Variants in HTR3B observed in about 807,000 individuals in gnomAD.
HTR3B encodes 5-hydroxytryptamine receptor 3B.
HTR3B carries 44 observed loss-of-function variants against 42.8 expected under a neutral mutation model. The ratio of observed to expected loss-of-function variants is 1.03; its 90% CI spans 0.81 to 1.32. HTR3B has a LOEUF of 1.32. HTR3B is among the 40% of genes most tolerant of loss of function. The pLI is 0.00. For synonymous variants in HTR3B, 203 were observed against 209.0 expected, an observed-to-expected ratio of 0.97 and a Z score of 0.25; for missense variants, 527 against 536.5, an observed-to-expected ratio of 0.98 and a Z score of 0.17.
chr11:113,932,954 C>G lies in HTR3B; in HGVS notation c.557C>G (p.Ala186Gly), dbSNP rs202109882. The change falls in exon 6 of 9, where the codon GCC (alanine) becomes GGC (glycine). Residue 186 changes from alanine to glycine, a missense_variant. Transcript: ENST00000260191. The stretch of plus-strand genomic sequence containing the variant: ...TTTGCAGTGGAAGACGTAGACCTGG[C>G]CTTTCTGAGGAGCCCAGAAGACATT... ...ILHTVEDVDL[A>G]FLRSPEDIQH... 1 of 1,613,984 alleles carries G rather than the reference C, an allele frequency of 6.2e-7. No individual in the cohort carries two copies. The highest frequency in any genetic ancestry group is 1.3e-5 in the African/African-American group (1 of 75,018).
intron 2 of HTR3B, among the ~76,000 whole-genome samples, chr11:113,911,140 A>G (rs1045670968): frequency 4.6e-5 from 7 of 151,772 alleles, no homozygotes; most frequent in African/African-American, 1.7e-4. Flanking sequence ...ATTGTTTTCT[A>G]ATTGAGGTAA....
chr11:113,915,089 T>C (rs1949838338), intron 2 of HTR3B, among the ~76,000 whole-genome samples: 1 of 152,224 alleles, frequency 6.6e-6, no homozygotes, highest in Non-Finnish European at 1.5e-5. Flanking sequence ...TTGTGTCTCA[T>C]ATTGGTAATT....
At chr11:113,938,102 C>T (rs989026676) in intron 6 of HTR3B, among the ~76,000 whole-genome samples, 1 of 152,100 alleles carries the variant, frequency 6.6e-6, no homozygotes, top group Non-Finnish European at 1.5e-5. Context: ...GAACTCCAGT[C>T]ACATTGGATT....
At position 113,946,262 on chromosome 11, in the gene HTR3B, AGG is replaced by A; in HGVS notation, c.*126_*127del. ...TTGCCTATAGTCCCAGTGCTTTGGG[AGG>A]CCATAGCAGGAGGATTGCTTGAGCC... is the stretch of plus-strand genomic sequence containing the variant. On this transcript the variant is annotated 3_prime_UTR_variant, in exon 9 of 9. Transcript: ENST00000260191. 1.4e-6 allele frequency: 1 copy of A among 702,798 alleles called. No individual in the cohort carries two copies. Among genetic ancestry groups the A allele is most frequent in the Non-Finnish European group, 2.4e-6 (1 of 408,458 alleles). The allele number at this position is 702,798 out of a possible 1,614,324, so 43.5% of individuals were successfully genotyped here.
chr11:113,936,946 A>G (rs975639639), intron 6 of HTR3B, among the ~76,000 whole-genome samples: 3 of 152,212 alleles, frequency 2.0e-5, no homozygotes, highest in Non-Finnish European at 2.9e-5. Context: ...GATCTCTTTC[A>G]TTAACATCAA....
At chr11:113,942,291 C>T (rs537170598) in intron 6 of HTR3B, among the ~76,000 whole-genome samples, 4 of 152,028 alleles carry the variant, frequency 2.6e-5, no homozygotes, top group East Asian at 1.9e-4. Context: ...AAAGAAACCC[C>T]GTCTCTACTA....
intron 2 of HTR3B, among the ~76,000 whole-genome samples, chr11:113,927,846 A>G (rs1484902265): frequency 2.0e-5 from 3 of 152,104 alleles, no homozygotes; most frequent in Non-Finnish European, 4.4e-5. Context: ...GGTGTGAGCC[A>G]CCGCACCCGG....
At chr11:113,916,824 A>G (rs970859025) in intron 2 of HTR3B, among the ~76,000 whole-genome samples, 8 of 152,170 alleles carry the variant, frequency 5.3e-5, no homozygotes, top group Non-Finnish European at 7.3e-5. Context: ...ATTTGAATCT[A>G]GTTGTCTGTT....
chr11:113,922,309 A>G (rs1203843890), intron 2 of HTR3B, among the ~76,000 whole-genome samples: 2 of 151,442 alleles, frequency 1.3e-5, no homozygotes, highest in Non-Finnish European at 2.9e-5. Context: ...GCGTGACCTC[A>G]GTTCACTGCA....
At chr11:113,931,073 A>C (rs1268978904) in intron 2 of HTR3B, among the ~76,000 whole-genome samples, 1 of 152,204 alleles carries the variant, frequency 6.6e-6, no homozygotes, top group East Asian at 1.9e-4. Flanking sequence ...AAGACAACGT[A>C]ACATTTTTTA....
At chr11:113,920,019 A>AT (rs11443415) in intron 2 of HTR3B, among the ~76,000 whole-genome samples, 7,903 of 151,712 alleles carry the variant, frequency 0.052, 647 homozygotes, top group African/African-American at 0.18. Flanking sequence ...TTATTATTTT[A>AT]TTTTTGTTTT....
intron 2 of HTR3B, among the ~76,000 whole-genome samples, chr11:113,917,924 G>C (rs1264442207): frequency 6.6e-6 from 1 of 152,142 alleles, no homozygotes; most frequent in African/African-American, 2.4e-5. Context: ...GTAATGAACA[G>C]ATCCTTTTAC....
chr11:113,935,370 G>A (rs1370731008), intron 6 of HTR3B, among the ~76,000 whole-genome samples: 1 of 151,064 alleles, frequency 6.6e-6, no homozygotes, highest in African/African-American at 2.5e-5. Flanking sequence ...CTTTTGCCCC[G>A]GGGGTGGACG....
intron 6 of HTR3B, among the ~76,000 whole-genome samples, chr11:113,934,114 C>T (rs756200911): frequency 1.7e-4 from 26 of 152,260 alleles, no homozygotes; most frequent in Non-Finnish European, 3.2e-4. Context: ...TCGCTGAGTG[C>T]GGTGGCTCAT....
intron 2 of HTR3B, among the ~76,000 whole-genome samples, chr11:113,927,952 A>G (rs1239749577): frequency 2.0e-5 from 3 of 152,156 alleles, no homozygotes; most frequent in South Asian, 4.1e-4. Flanking sequence ...AACGTGTGCC[A>G]TGGTTTGCTG....
chr11:113,908,440 T>G (rs1202513603), intron 1 of HTR3B, among the ~76,000 whole-genome samples: 1 of 152,164 alleles, frequency 6.6e-6, no homozygotes, highest in Non-Finnish European at 1.5e-5. Context: ...TGTCAGGAGG[T>G]GTGCAATTTG....
rs1316631335 is a variant in HTR3B, at chr11:113,904,950, T to C, written c.17T>C (p.Met6Thr). 1.2e-6 allele frequency: 2 copies of C among 1,613,858 alleles called. No individual in the cohort carries two copies. The highest frequency in any genetic ancestry group is 2.2e-5 in the East Asian group (1 of 44,876). The change falls in exon 1 of 9, where the codon ATG becomes ACG. Residue 6 changes from methionine to threonine, a missense_variant. Coordinates refer to ENST00000260191, the MANE Select transcript of HTR3B (RefSeq NM_006028.5). Reference protein sequence around the residue: MLSSVMAPLWACILVA... With the variant: MLSSVTAPLWACILVA... The stretch of plus-strand genomic sequence containing the variant: ...TGCCCAGGAATGTTGTCAAGTGTAA[T>C]GGCTCCCCTGTGGGCCTGCATCCTG...
chr11:113,944,724 G>T lies in HTR3B; in HGVS notation c.1059G>T (p.Val353=). Residue 353 remains valine (V), a synonymous_variant, in exon 8 of 9, where the codon GTG becomes GTT. Transcript: ENST00000260191. ...RGDTDADRPR[V]EPRAQRAVVT... is the part of the protein sequence containing the mutation. Reference sequence around the variant, plus strand: ...ACACCGATGCTGACAGGCCTAGAGTGGAACCCAGGGCCCAACGTGCTGTGG... The same window carrying T: ...ACACCGATGCTGACAGGCCTAGAGTTGAACCCAGGGCCCAACGTGCTGTGG... 6.2e-7 allele frequency: 1 copy of T among 1,614,098 alleles called. No individual in the cohort carries two copies. Among genetic ancestry groups the T allele is most frequent in the Non-Finnish European group, 8.5e-7 (1 of 1,179,986 alleles).
At chr11:113,906,459 AC>A (rs1437037600) in intron 1 of HTR3B, among the ~76,000 whole-genome samples, 1 of 152,198 alleles carries the variant, frequency 6.6e-6, no homozygotes, top group East Asian at 1.9e-4. Context: ...GATATTCATG[AC>A]AATCAGATAA....
Sources: allele counts gnomAD v4.1 joint callset (sites outside exome capture counted in the v4.1 genomes callset), GRCh38; gene constraint gnomAD v4.1.1; transcripts MANE v1.5; gene names NCBI Gene and HGNC (gene_info 2026-07-23, HGNC 2026-07-21).